The following CRLF3 variants were observed in gnomAD, a reference collection of about 807,000 sequenced individuals.
CRLF3 encodes the protein cytokine receptor like factor 3, also known as cytokine receptor-like factor 3.
In CRLF3, 33 loss-of-function variants were observed where a neutral mutation model predicts 55.0. That is an observed-to-expected ratio of 0.60 (90% CI 0.46 to 0.80). The LOEUF (loss-of-function observed/expected upper bound fraction) is 0.80, where lower values mean the gene tolerates loss of function less well. CRLF3 is among the 30% of genes least tolerant of loss of function. The probability of loss-of-function intolerance (pLI) is 0.00; values close to 1 mark genes in which losing one functional copy is unlikely to be tolerated. For missense variants in CRLF3, 494 were observed against 538.4 expected (o/e 0.92, Z 0.82); for synonymous variants, 238 against 196.8 (o/e 1.21, Z -1.75).
intron 6 of CRLF3, chr17:30,787,527 T>G (rs1807552181): frequency 7.4e-6 from 1 of 135,356 alleles, no homozygotes. Flanking sequence ...AAGCCAACTT[T>G]GCAAGGACAA....
chr17:30,792,652 G>T, intron 5 of CRLF3, 80 bp from the exon 6 acceptor site: 2 of 1,296,580 alleles, frequency 1.5e-6, no homozygotes, highest in South Asian at 2.9e-5. Context: ...AATAAAACAT[G>T]GAAATGGGAG....
intron 2 of CRLF3, chr17:30,803,664 G>C (rs760666339): frequency 5.7e-5 from 28 of 494,850 alleles, no homozygotes; most frequent in Non-Finnish European, 9.5e-5. Context: ...ACTCTCATGA[G>C]ATCTAATGGT....
chr17:30,787,960 A>C (rs1262168767), intron 6 of CRLF3, among the ~76,000 whole-genome samples: 1 of 150,314 alleles, frequency 6.7e-6, no homozygotes, highest in Admixed American at 6.6e-5. Flanking sequence ...AGATCATGCC[A>C]CTGCACTTCA....
At chr17:30,823,948 T>G (rs559477117) in intron 1 of CRLF3, among the ~76,000 whole-genome samples, 2 of 152,286 alleles carry the variant, frequency 1.3e-5, no homozygotes, top group Admixed American at 6.5e-5. Context: ...CTCTAAATGA[T>G]TTTTTAAAAA....
At position 30,793,572 on chromosome 17, in the gene CRLF3, A is replaced by G. The variant is rs143002639; in HGVS notation, c.704T>C (p.Ile235Thr). 297 of 1,614,032 alleles carry G rather than the reference A, an allele frequency of 1.8e-4. 6 individuals are homozygous for G. The South Asian group carries it at 2.6e-3, about 14-fold the overall frequency. ...DVYVGSETEFIVLHIDPNVDY... is the reference protein window; with the variant it reads ...DVYVGSETEFTVLHIDPNVDY... The stretch of plus-strand genomic sequence containing the variant: ...AACGTTGGGGTCTATGTGCAATACT[A>G]TGAATTCAGTTTCAGAACCTACATA... Residue 235 changes from isoleucine to threonine, a missense_variant, in exon 5 of 8, where the codon ATA becomes ACA. Ile to Thr is a moderately conservative substitution (Grantham distance 89, BLOSUM62 -1). Transcript: ENST00000324238.
intron 6 of CRLF3, among the ~76,000 whole-genome samples, chr17:30,788,050 C>T (rs936487318): frequency 7.3e-5 from 11 of 151,522 alleles, no homozygotes; most frequent in Non-Finnish European, 8.8e-5. Context: ...GAAAATAGGC[C>T]GGGTGCAGTG....
chr17:30,794,897 T>C (rs1458265918), intron 4 of CRLF3, among the ~76,000 whole-genome samples: 1 of 152,188 alleles, frequency 6.6e-6, no homozygotes, highest in Admixed American at 6.6e-5. Flanking sequence ...CAGAAACTCA[T>C]ATACTCCTTG....
intron 3 of CRLF3, among the ~76,000 whole-genome samples, chr17:30,796,854 G>T (rs943321255): frequency 1.3e-4 from 19 of 151,636 alleles, no homozygotes; most frequent in African/African-American, 4.6e-4. Context: ...CTCTCGAGTA[G>T]CTGGGACTTA....
At chr17:30,815,069 CTTT>C (rs1904747938) in intron 1 of CRLF3, among the ~76,000 whole-genome samples, 8 of 146,608 alleles carry the variant, frequency 5.5e-5, no homozygotes, top group African/African-American at 1.8e-4. Flanking sequence ...TTTTTTCTTT[CTTT>C]TTTCTTTCTT....
At chr17:30,799,199 C>T (rs569373497) in intron 2 of CRLF3, among the ~76,000 whole-genome samples, 6 of 151,024 alleles carry the variant, frequency 4.0e-5, no homozygotes, top group Non-Finnish European at 7.4e-5. Flanking sequence ...CTTGAACCTG[C>T]GAGGCGTAGG....
intron 4 of CRLF3, among the ~76,000 whole-genome samples, chr17:30,794,042 A>G (rs757912586): frequency 2.6e-5 from 4 of 151,902 alleles, no homozygotes; most frequent in Non-Finnish European, 5.9e-5. Flanking sequence ...GCTTCACCAT[A>G]TCTCAGATCT....
intron 1 of CRLF3, among the ~76,000 whole-genome samples, chr17:30,806,685 C>G (rs1490320129): frequency 6.6e-6 from 1 of 152,128 alleles, no homozygotes; most frequent in Non-Finnish European, 1.5e-5. Context: ...GACAGGGTCT[C>G]ACTCTGTTGC....
chr17:30,817,258 T>C (rs1434200408), intron 1 of CRLF3, among the ~76,000 whole-genome samples: 1 of 151,912 alleles, frequency 6.6e-6, no homozygotes, highest in Non-Finnish European at 1.5e-5. Context: ...GGCAATATGG[T>C]GAAACCTCCT....
intron 1 of CRLF3, among the ~76,000 whole-genome samples, chr17:30,806,144 A>G (rs1904396181): frequency 6.6e-6 from 1 of 152,210 alleles, no homozygotes; most frequent in African/African-American, 2.4e-5. Context: ...GGCCTGTAGG[A>G]GGCAGAGCTG....
intron 5 of CRLF3, 69 bp downstream of exon 5, chr17:30,793,381 C>T: frequency 8.3e-7 from 1 of 1,200,522 alleles, no homozygotes; most frequent in African/African-American, 1.5e-5. Context: ...CAGTGTGCTG[C>T]CCTTAGCACA....
intron 4 of CRLF3, among the ~76,000 whole-genome samples, chr17:30,794,568 C>T (rs943954534): frequency 2.0e-5 from 3 of 152,112 alleles, no homozygotes; most frequent in Non-Finnish European, 4.4e-5. Context: ...GAGGCCGAAG[C>T]GGGTGGAGCA....
At chr17:30,793,337 C>A in intron 5 of CRLF3, 113 bp downstream of exon 5, 2 of 753,986 alleles carry the variant, frequency 2.7e-6, no homozygotes, top group East Asian at 5.3e-5. Context: ...TTGTTCTTAT[C>A]AATTCAGGAT....
chr17:30,796,300 A>T lies in CRLF3; in HGVS notation c.463T>A (p.Leu155Ile), dbSNP rs749057165. ...EVPLLVDVPC[L>I]SAQLDDSILN... ...ATTGAGTCATCCAACTGAGCAGATA[A>T]ACAAGGCACATCAACCAGTAAAGGT... The change falls in exon 4 of 8, where the codon TTA becomes ATA. Residue 155 changes from leucine (L) to isoleucine (I), a missense_variant. Coordinates refer to ENST00000324238, the MANE Select transcript of CRLF3 (RefSeq NM_015986.4). 8 of 1,613,930 alleles carry T rather than the reference A, an allele frequency of 5.0e-6. No homozygotes were observed. Among genetic ancestry groups the T allele is most frequent in the Non-Finnish European group, 5.9e-6 (7 of 1,179,962 alleles).
At chr17:30,784,667 C>A (rs1971593891) in intron 7 of CRLF3, 2 of 429,722 alleles carry the variant, frequency 4.7e-6, no homozygotes, top group Non-Finnish European at 8.3e-6. Context: ...GACAGTGTTA[C>A]AAAATTACCT....
Sources: allele counts gnomAD v4.1 joint callset (sites outside exome capture counted in the v4.1 genomes callset), GRCh38; gene constraint gnomAD v4.1.1; transcripts MANE v1.5; gene names NCBI Gene and HGNC (gene_info 2026-07-23, HGNC 2026-07-21).